The following SPDYE1 variants were observed in gnomAD, a reference collection of about 807,000 sequenced individuals.
The protein encoded by SPDYE1 is speedy protein E1.
In SPDYE1, 29 loss-of-function variants were observed where a neutral mutation model predicts 45.9. The observed-to-expected ratio is 0.63, with a 90% confidence interval of 0.47 to 0.86. SPDYE1 has a LOEUF of 0.86. Ranked by LOEUF, SPDYE1 falls within the 40% of genes least tolerant of loss-of-function variation. The pLI is 0.00. For missense variants in SPDYE1, 346 were observed against 481.4 expected (o/e 0.72, Z 2.63); for synonymous variants, 134 against 176.8 (o/e 0.76, Z 1.92).
At position 44,007,684 on chromosome 7, in the gene SPDYE1, T is replaced by C. The variant is rs776423254; in HGVS notation, c.1072-25T>C. The stretch of plus-strand genomic sequence containing the variant: ...GGGGTATCCTGGCGAGTCCCCGTCT[T>C]CTCAAAGGGCGTTTGTTTTTCCAGA... On this transcript the variant is annotated intron_variant, in intron 7 of 8. Transcript: ENST00000693451. 2.5e-5 allele frequency: 40 copies of C among 1,609,752 alleles called. No individual in the cohort carries two copies. The South Asian group carries it at 3.7e-4, about 15-fold the overall frequency.
intron 6 of SPDYE1, among the ~76,000 whole-genome samples, chr7:44,006,739 T>C (rs1436652540): frequency 2.6e-5 from 4 of 152,188 alleles, no homozygotes; most frequent in Non-Finnish European, 4.4e-5. Context: ...TTCAGCCTCC[T>C]GAGTAGCTAG....
Position 44,007,616 on chromosome 7 carries a change from T to G in SPDYE1, c.1071+30T>G, listed in dbSNP as rs1425201760. 3.7e-6 allele frequency: 6 copies of G among 1,603,878 alleles called. No individual in the cohort carries two copies. The African/African-American group carries it at 4.2e-5, about 11-fold the overall frequency. On this transcript the variant is annotated intron_variant, in intron 7 of 8. Coordinates refer to ENST00000693451, the MANE Select transcript of SPDYE1 (RefSeq NM_001378423.2). ...GTGGGGCCTGGGGAGGTGGAGGAGG[T>G]GGGGAGGAATTGGGTGGGCTGGAGG...
At chr7:44,001,340 C>T in intron 3 of SPDYE1, 56 bp downstream of exon 3, 1 of 1,588,316 alleles carries the variant, frequency 6.3e-7, no homozygotes. Context: ...AAAGAGGAAA[C>T]TTCCAATAAC....
At chr7:44,005,794 G>A (rs1232508827) in intron 6 of SPDYE1, among the ~76,000 whole-genome samples, 1 of 152,036 alleles carries the variant, frequency 6.6e-6, no homozygotes, top group African/African-American at 2.4e-5. Context: ...GTGGAGGAGC[G>A]GACATGCCAC....
In SPDYE1 at chr7:44,009,160, T is replaced by TA. The variant is rs2096075758; in HGVS notation, c.*540dup. The TA allele has an allele frequency of 5.2e-6, 1 of 191,008 alleles. No homozygotes were observed. The highest frequency in any genetic ancestry group is 1.1e-5 in the Non-Finnish European group (1 of 92,866). 11.8% of individuals were successfully genotyped at this position (191,008 alleles called of 1,614,324 possible). On this transcript the variant is annotated 3_prime_UTR_variant, in exon 9 of 9. Coordinates refer to ENST00000693451, the MANE Select transcript of SPDYE1 (RefSeq NM_001378423.2). ...AAAATGTTGGCCATTGAATTATTCA[T>TA]AGATTTATTTCAAATAGTTTGGAAA...
At position 44,005,226 on chromosome 7, in the gene SPDYE1, C is replaced by T; in HGVS notation, c.751C>T (p.Leu251Phe). Residue 251 changes from leucine (L) to phenylalanine (F), a missense_variant and splice_region_variant, in exon 6 of 9, where the codon CTC becomes TTC. Leu to Phe is a conservative substitution (Grantham distance 22). Transcript: ENST00000693451. ...CCAACGCCTTCATTTCTTCCTGGCTCTGTGAGTGGTTTGCTGCCTCCTATC... is the reference window on the plus strand; with the variant it reads ...CCAACGCCTTCATTTCTTCCTGGCTTTGTGAGTGGTTTGCTGCCTCCTATC... ...QYQRLHFFLALYLANDMEEDD... is the reference protein window; with the variant it reads ...QYQRLHFFLAFYLANDMEEDD... 1.2e-6 allele frequency: 2 copies of T among 1,611,988 alleles called. No individual in the cohort carries two copies. Among genetic ancestry groups the T allele is most frequent in the Non-Finnish European group, 1.7e-6 (2 of 1,179,848 alleles).
At chr7:44,006,180 C>T (rs1231263714) in intron 6 of SPDYE1, among the ~76,000 whole-genome samples, 1 of 152,178 alleles carries the variant, frequency 6.6e-6, no homozygotes, top group South Asian at 2.1e-4. Flanking sequence ...CTGCTCCTTC[C>T]AAATGCCCTC....
Position 44,008,987 on chromosome 7 carries a change from T to A in SPDYE1, c.*366T>A. ...TGGGGCGGAACCTGGAGGTCCTGTT[T>A]CTTACGGACTTGGTTGCCACAGTCC... On this transcript the variant is annotated 3_prime_UTR_variant, in exon 9 of 9. Coordinates refer to ENST00000693451, the MANE Select transcript of SPDYE1 (RefSeq NM_001378423.2). 4.8e-6 allele frequency: 2 copies of A among 419,264 alleles called. No individual in the cohort carries two copies. Among genetic ancestry groups the A allele is most frequent in the Non-Finnish European group, 4.7e-6 (1 of 213,680 alleles). 26.0% of individuals were successfully genotyped at this position (419,264 alleles called of 1,614,324 possible). A position where few individuals can be genotyped will look rare whatever the true frequency, so the allele number is the denominator to read the frequency against.
Position 44,008,817 on chromosome 7 carries a change from T to A in SPDYE1, c.*196T>A, listed in dbSNP as rs1367220319. On this transcript the variant is annotated 3_prime_UTR_variant, in exon 9 of 9. Coordinates refer to ENST00000693451, the MANE Select transcript of SPDYE1 (RefSeq NM_001378423.2). ...ATGGAGCTGAATACAGTGATCACGT[T>A]GTCCTCCTAGGAGCAGGGGTGGGGG... The A allele has an allele frequency of 8.6e-6, 5 of 582,132 alleles. No individual in the cohort carries two copies. Among genetic ancestry groups the A allele is most frequent in the Non-Finnish European group, 1.4e-5 (5 of 344,890 alleles). The allele number at this position is 582,132 out of a possible 1,614,324, so 36.1% of individuals were successfully genotyped here.
chr7:44,002,866 C>T, intron 4 of SPDYE1, 49 bp downstream of exon 4: 4 of 1,198,934 alleles, frequency 3.3e-6, no homozygotes, highest in South Asian at 2.7e-5. Context: ...TTTCCAAAAA[C>T]AGGAAACTTC....
Position 44,007,331 on chromosome 7 carries a change from G to A in SPDYE1, c.816G>A (p.Leu272=), listed in dbSNP as rs778602289. 19 of 1,613,350 alleles carry A rather than the reference G, an allele frequency of 1.2e-5. No individual in the cohort carries two copies. The South Asian group carries it at 2.0e-4, about 17-fold the overall frequency. The part of the protein sequence containing the change: ...EDSKQNIFHF[L]YGKNRSRIPL... ...CCAAACAAAACATCTTCCACTTCCT[G>A]TATGGGAAGAACCGCTCTCGCATAC... The change falls in exon 7 of 9, where the codon CTG becomes CTA. Residue 272 remains leucine (L), a synonymous_variant. Transcript: ENST00000693451.
chr7:43,998,327 T>C (rs1345606479), intron 1 of SPDYE1, among the ~76,000 whole-genome samples: 1 of 151,748 alleles, frequency 6.6e-6, no homozygotes, highest in Non-Finnish European at 1.5e-5. Flanking sequence ...TTCTTTATTT[T>C]TTTTGAGATG....
Position 44,005,127 on chromosome 7 carries a change from C to G in SPDYE1, c.667-15C>G. The G allele has an allele frequency of 6.2e-7, 1 of 1,611,698 alleles. No homozygotes were observed. Among genetic ancestry groups the G allele is most frequent in the South Asian group, 1.1e-5 (1 of 90,970 alleles). On this transcript the variant is annotated splice_polypyrimidine_tract_variant and intron_variant, in intron 5 of 8. Transcript: ENST00000693451. ...ATGTGACCTCTCCCTCTCTGTGTTC[C>G]TTTCTCTCCATCAGTATCTCCTTGC...
rs1183353305 is a variant in SPDYE1 at position 44,002,653 on chromosome 7, G to A, written c.443G>A (p.Trp148Ter). Residue 148 changes from tryptophan to a stop codon, truncating the protein, a stop_gained, in exon 4 of 9, where the codon TGG (tryptophan) becomes TAG (stop). Coordinates refer to ENST00000693451, the MANE Select transcript of SPDYE1 (RefSeq NM_001378423.2). LOFTEE classifies it high-confidence loss of function. Reference sequence around the variant, plus strand: ...TGCTGGAAAAGGAAGATGGAGTGGTGGGACAAATCTGAGGAGTCGGAGGAG... The same window carrying A: ...TGCTGGAAAAGGAAGATGGAGTGGTAGGACAAATCTGAGGAGTCGGAGGAG... ...SFCWKRKMEWWDKSEESEEEP... is the reference protein window; with the variant it reads ...SFCWKRKMEW 1.3e-6 allele frequency: 2 copies of A among 1,597,576 alleles called. No homozygotes were observed. Among genetic ancestry groups the A allele is most frequent in the South Asian group, 2.2e-5 (2 of 90,982 alleles).
At chr7:43,998,681 A>C (rs1374055758) in intron 1 of SPDYE1, among the ~76,000 whole-genome samples, 93 of 120,678 alleles carry the variant, frequency 7.7e-4, no homozygotes, top group African/African-American at 2.9e-3. Context: ...TATCAAAAAA[A>C]AATTTTTTGA....
At chr7:44,005,011 G>A in intron 5 of SPDYE1, 131 bp from the exon 6 acceptor site, 2 of 1,115,086 alleles carry the variant, frequency 1.8e-6, no homozygotes, top group Non-Finnish European at 2.7e-6. Flanking sequence ...TTCCAAATGA[G>A]TACAGTCACC....
At position 44,007,419 on chromosome 7, in the gene SPDYE1, C is replaced by A. The variant is rs529087558; in HGVS notation, c.904C>A (p.Arg302Ser). The change falls in exon 7 of 9, where the codon CGC (arginine) becomes AGC (serine). Residue 302 changes from arginine to serine, a missense_variant. Around this residue, in one of 4 missense-constraint regions of SPDYE1, gnomAD observed 186 missense variants for 219.1 expected, o/e 0.85. Coordinates refer to ENST00000693451, the MANE Select transcript of SPDYE1 (RefSeq NM_001378423.2). ...RSMNPRARKNRSHIPLVRKRR... is the reference protein window; with the variant it reads ...RSMNPRARKNSSHIPLVRKRR... ...CATGAACCCGAGGGCCAGGAAGAACCGCTCTCACATACCCTTGGTCCGTAA... is the reference window on the plus strand; with the variant it reads ...CATGAACCCGAGGGCCAGGAAGAACAGCTCTCACATACCCTTGGTCCGTAA... The A allele has an allele frequency of 5.0e-6, 8 of 1,611,932 alleles. No homozygotes were observed. Among genetic ancestry groups the A allele is most frequent in the Non-Finnish European group, 5.9e-6 (7 of 1,179,166 alleles).
At chr7:44,002,134 CCT>C (rs2096064176) in intron 3 of SPDYE1, among the ~76,000 whole-genome samples, 1 of 148,474 alleles carries the variant, frequency 6.7e-6, no homozygotes, top group Non-Finnish European at 1.5e-5. Context: ...ATGGTGAAAC[CCT>C]GTCTCTTCTA....
At chr7:44,002,306 TCAACAA>T (rs1222736622) in intron 3 of SPDYE1, among the ~76,000 whole-genome samples, 1 of 79,252 alleles carries the variant, frequency 1.3e-5, no homozygotes, top group Non-Finnish European at 2.4e-5. Flanking sequence ...AGACTGTTTC[TCAACAA>T]CAACAACAAA....
Sources: gnomAD v4.1 joint callset for allele counts (sites outside exome capture counted in the v4.1 genomes callset) on GRCh38, gnomAD v4.1.1 for gene constraint, gnomAD v4.1.1 regional missense constraint, MANE v1.5 for transcripts, NCBI Gene and HGNC (gene_info 2026-07-23, HGNC 2026-07-21) for gene names.